The following TICRR variants were observed in gnomAD, a reference collection of about 807,000 sequenced individuals.
TICRR encodes TOPBP1 interacting checkpoint and replication regulator.
TICRR carries 132 observed loss-of-function variants against 178.1 expected under a neutral mutation model. That is an observed-to-expected ratio of 0.74 (90% CI 0.64 to 0.86). The LOEUF (loss-of-function observed/expected upper bound fraction) is 0.86. Among genes scored for constraint, TICRR ranks in the 40% least tolerant of loss-of-function variants. The pLI, the probability that TICRR is intolerant of heterozygous loss-of-function variation, is 0.00. For missense variants in TICRR, 2,587 were observed against 2,334.3 expected (o/e 1.11, Z -2.23); for synonymous variants, 991 against 900.7 (o/e 1.10, Z -1.79).
rs907088139 is a variant in TICRR, at chr15:89,625,453, C to A, written c.5143C>A (p.Leu1715Met). The change falls in exon 20 of 22, where the codon CTG becomes ATG. Residue 1715 changes from leucine to methionine, a missense_variant. By Grantham distance (15) the Leu-to-Met change is conservative. Coordinates refer to ENST00000268138, the MANE Select transcript of TICRR (RefSeq NM_152259.4). ...TGCAGACCTTCCTGGGAGCCTGTCA[C>A]TGCTTGAGTCAGAGGGCAAGGACCA... ...VGADLPGSLSLLESEGKDHGL... is the reference protein window; with the variant it reads ...VGADLPGSLSMLESEGKDHGL... 13 of 1,613,908 alleles carry A rather than the reference C, an allele frequency of 8.1e-6. No individual in the cohort carries two copies. In the African/African-American group the frequency reaches 1.2e-4, roughly 15 times the overall value.
chr15:89,619,669 A>G (rs772628974), intron 17 of TICRR, 39 bp from the exon 18 acceptor site: 1 of 1,577,404 alleles, frequency 6.3e-7, no homozygotes, highest in Non-Finnish European at 8.6e-7. Context: ...TCAAGCTTGT[A>G]GTTGTCTTTG....
At chr15:89,608,760 A>G (rs1223194198) in intron 14 of TICRR, 43 bp from the exon 15 acceptor site, 1 of 1,526,446 alleles carries the variant, frequency 6.6e-7, no homozygotes, top group Non-Finnish European at 8.8e-7. Context: ...ATTGATGATA[A>G]TCTTTGGGTT....
chr15:89,609,097 A>G (rs112882125), intron 15 of TICRR, 148 bp downstream of exon 15: 2 of 209,976 alleles, frequency 9.5e-6, no homozygotes, highest in African/African-American at 9.3e-5. Flanking sequence ...CAATTTTGTT[A>G]ATCTTTTTTT....
intron 5 of TICRR, 21 bp downstream of exon 5, chr15:89,592,197 TTGAA>T (rs781535190): frequency 7.5e-5 from 120 of 1,597,196 alleles, no homozygotes; most frequent in Non-Finnish European, 9.6e-5. Context: ...TTTATATCTC[TTGAA>T]TATTGATTAT....
intron 13 of TICRR, among the ~76,000 whole-genome samples, chr15:89,605,797 C>T (rs905769031): frequency 1.3e-5 from 2 of 152,038 alleles, no homozygotes; most frequent in Admixed American, 6.6e-5. Flanking sequence ...AGTTTCTGCC[C>T]ATATGTGGTG....
At position 89,599,352 on chromosome 15, in the gene TICRR, A is replaced by C. The variant is rs770409534; in HGVS notation, c.1929A>C (p.Ser643=). The change falls in exon 8 of 22, where the codon TCA becomes TCC. Residue 643 remains serine (S), a synonymous_variant. Coordinates refer to ENST00000268138, the MANE Select transcript of TICRR (RefSeq NM_152259.4). ...TTAAAACTGAGGAAGAGCTGCTATC[A>C]TATATACGTGAAAATTACCAAAAGA... is the stretch of plus-strand genomic sequence containing the variant. The part of the protein sequence containing the change: ...KDFKTEEELL[S]YIRENYQKTV... 6.2e-7 allele frequency: 1 copy of C among 1,612,214 alleles called. No homozygotes were observed. The highest frequency in any genetic ancestry group is 2.2e-5 in the East Asian group (1 of 44,846).
chr15:89,626,409 C>G (rs1963527617), intron 21 of TICRR, among the ~76,000 whole-genome samples: 1 of 152,258 alleles, frequency 6.6e-6, no homozygotes, highest in Admixed American at 6.5e-5. Flanking sequence ...TAGTTCCCCA[C>G]AGCGGGTTTA....
At chr15:89,618,053 T>C in intron 16 of TICRR, 99 bp from the exon 17 acceptor site, 1 of 1,218,176 alleles carries the variant, frequency 8.2e-7, no homozygotes, top group Admixed American at 1.7e-5. Context: ...TCAGACCCTG[T>C]GATCTTTGTG....
intron 5 of TICRR, 31 bp downstream of exon 5, chr15:89,592,207 A>G (rs1422565301): frequency 5.1e-6 from 8 of 1,576,160 alleles, no homozygotes; most frequent in Non-Finnish European, 6.1e-6. Context: ...TTGAATATTG[A>G]TTATTAAAAT....
rs200868616 is a variant in TICRR at position 89,623,750 on chromosome 15, C to G, written c.3440C>G (p.Pro1147Arg). Residue 1147 changes from proline (P) to arginine (R), a missense_variant, in exon 20 of 22, where the codon CCT becomes CGT. By Grantham distance (103) the Pro-to-Arg change is moderately radical. Coordinates refer to ENST00000268138, the MANE Select transcript of TICRR (RefSeq NM_152259.4). ...RLQKSPAKMT[P>R]TKQAAFKESL... ...CAGAAGTCCCCTGCAAAAATGACCC[C>G]TACAAAGCAGGCAGCTTTTAAGGAG... is the stretch of plus-strand genomic sequence containing the variant. 34 of 1,613,910 alleles carry G rather than the reference C, an allele frequency of 2.1e-5. 1 individual carries two copies. In the African/African-American group the frequency reaches 2.9e-4, roughly 14 times the overall value.
At chr15:89,600,886 A>AT (rs1963082752) in intron 9 of TICRR, among the ~76,000 whole-genome samples, 1 of 151,804 alleles carries the variant, frequency 6.6e-6, no homozygotes, top group Admixed American at 6.6e-5. Flanking sequence ...CTACCAAAAA[A>AT]TTTTTTTTAA....
Position 89,625,121 on chromosome 15 carries a change from C to T in TICRR, c.4811C>T (p.Ala1604Val). 5 of 1,613,990 alleles carry T rather than the reference C, an allele frequency of 3.1e-6. No individual in the cohort carries two copies. Among genetic ancestry groups the T allele is most frequent in the Non-Finnish European group, 4.2e-6 (5 of 1,179,990 alleles). Residue 1604 changes from alanine (A) to valine (V), a missense_variant, in exon 20 of 22, where the codon GCT (alanine) becomes GTT (valine). Transcript: ENST00000268138. ...SSLGEESFLP[A>V]LSMPRASRSL... ...CTGGGAGAAGAGAGCTTCCTCCCTG[C>T]TCTCAGCATGCCCAGGGCCAGCAGG...
rs1244153307 is a variant in TICRR at position 89,592,087 on chromosome 15, C to T, written c.1452C>T (p.His484=). ...AGTGGGCCCAGCAGGAGCTTGGCCA[C>T]ACCACTCCCTGGAGTCCAGCTGTTG... is the stretch of plus-strand genomic sequence containing the variant. ...VPEWAQQELG[H]TTPWSPAVVE... Residue 484 remains histidine, a synonymous_variant, in exon 5 of 22, where the codon CAC becomes CAT. Coordinates refer to ENST00000268138, the MANE Select transcript of TICRR (RefSeq NM_152259.4). 4.3e-6 allele frequency: 7 copies of T among 1,612,542 alleles called. No homozygotes were observed. The highest frequency in any genetic ancestry group is 5.9e-6 in the Non-Finnish European group (7 of 1,178,674).
intron 14 of TICRR, among the ~76,000 whole-genome samples, chr15:89,608,058 T>G (rs1207958881): frequency 1.3e-5 from 2 of 152,166 alleles, no homozygotes; most frequent in African/African-American, 4.8e-5. Context: ...AGAAAAATAA[T>G]CATAACATGG....
At position 89,625,942 on chromosome 15, in the gene TICRR, C is replaced by A; in HGVS notation, c.5483C>A (p.Thr1828Asn). Residue 1828 changes from threonine to asparagine, a missense_variant, in exon 21 of 22, where the codon ACC (threonine) becomes AAC (asparagine). Transcript: ENST00000268138. ...CTATGTGGGATCTCTTTAGGCTCCA[C>A]CCCACCTCCCAGCTGTGCCGTGCGG... ...GDEEVFVSGS[T>N]PPPSCAVRSC... The A allele has an allele frequency of 6.4e-7, 1 of 1,574,000 alleles. No homozygotes were observed. Among genetic ancestry groups the A allele is most frequent in the Non-Finnish European group, 8.6e-7 (1 of 1,164,210 alleles).
At chr15:89,616,211 T>C (rs1963333229) in intron 15 of TICRR, among the ~76,000 whole-genome samples, 194 bp from the exon 16 acceptor site, 1 of 152,182 alleles carries the variant, frequency 6.6e-6, no homozygotes, top group African/African-American at 2.4e-5. Flanking sequence ...TATGTCATTT[T>C]TTAATCTCTA....
chr15:89,588,559 G>A (rs961224015), intron 4 of TICRR, among the ~76,000 whole-genome samples: 2 of 152,244 alleles, frequency 1.3e-5, no homozygotes, highest in African/African-American at 2.4e-5. Context: ...GATTTCTGGA[G>A]CCAATCTGCT....
chr15:89,610,849 G>A (rs1466364483), intron 15 of TICRR, among the ~76,000 whole-genome samples: 2 of 150,988 alleles, frequency 1.3e-5, no homozygotes, highest in Admixed American at 1.3e-4. Flanking sequence ...TTTTCTCAGT[G>A]GTTACCTTGG....
chr15:89,616,271 AG>A (rs1259636233), intron 15 of TICRR, 133 bp from the exon 16 acceptor site: 2 of 669,686 alleles, frequency 3.0e-6, no homozygotes, highest in African/African-American at 3.6e-5. Context: ...CATAGAACTT[AG>A]CCCAAAGACC....
Sources: gnomAD v4.1 joint callset for allele counts (sites outside exome capture counted in the v4.1 genomes callset) on GRCh38, gnomAD v4.1.1 for gene constraint, MANE v1.5 for transcripts, NCBI Gene and HGNC (gene_info 2026-07-23, HGNC 2026-07-21) for gene names.